The following EYS variants were observed in gnomAD, a reference collection of about 807,000 sequenced individuals.
EYS encodes the protein protein eyes shut homolog.
In EYS, 250 loss-of-function variants were observed where a neutral mutation model predicts 282.1. That is an observed-to-expected ratio of 0.89 (90% confidence interval 0.80 to 0.98). EYS has a LOEUF of 0.98. Ranked by LOEUF, EYS falls within the 50% of genes least tolerant of loss-of-function variation. EYS has a pLI of 0.00. For missense variants in EYS, 4,016 were observed against 3,709.0 expected (o/e 1.08, Z -2.15); for synonymous variants, 1,355 against 1,282.9 (o/e 1.06, Z -1.20).
intron 31 of EYS, among the ~76,000 whole-genome samples, chr6:64,196,137 G>A (rs1204923595): frequency 6.6e-6 from 1 of 152,212 alleles, no homozygotes; most frequent in East Asian, 1.9e-4. Flanking sequence ...AAAGACACAT[G>A]AAAAAATGCT....
intron 40 of EYS, among the ~76,000 whole-genome samples, chr6:63,764,628 C>T (rs1265277596): frequency 6.6e-6 from 1 of 151,784 alleles, no homozygotes; most frequent in Non-Finnish European, 1.5e-5. Context: ...ATTTAATTCA[C>T]TTACACTTTA....
At chr6:64,872,135 A>T (rs1477560465) in intron 19 of EYS, among the ~76,000 whole-genome samples, 1 of 151,988 alleles carries the variant, frequency 6.6e-6, no homozygotes, top group African/African-American at 2.4e-5. Context: ...ACAGTTGACA[A>T]CTCATATGAA....
intron 30 of EYS, among the ~76,000 whole-genome samples, chr6:64,235,673 C>T (rs1411366575): frequency 6.6e-6 from 1 of 151,844 alleles, no homozygotes; most frequent in Non-Finnish European, 1.5e-5. Flanking sequence ...ACACTGACTT[C>T]CACAATGGTT....
chr6:64,117,154 G>C (rs1027905588), intron 31 of EYS, among the ~76,000 whole-genome samples: 2 of 151,976 alleles, frequency 1.3e-5, no homozygotes, highest in African/African-American at 4.8e-5. Context: ...CTCCAGCATA[G>C]ATTGTATTTT....
chr6:65,290,786 C>T (rs76413083), intron 12 of EYS, among the ~76,000 whole-genome samples: 1 of 151,270 alleles, frequency 6.6e-6, no homozygotes, highest in South Asian at 2.1e-4. Flanking sequence ...GTTTATTAAA[C>T]AGCTGTTGTG....
chr6:64,430,455 CA>C (rs879921681), intron 28 of EYS, among the ~76,000 whole-genome samples: 1 of 152,038 alleles, frequency 6.6e-6, no homozygotes, highest in Non-Finnish European at 1.5e-5. Context: ...AATTATTTAA[CA>C]GATAAATAGC....
intron 13 of EYS, among the ~76,000 whole-genome samples, chr6:65,025,487 T>C (rs1426165237): frequency 1.3e-5 from 2 of 152,210 alleles, no homozygotes; most frequent in Admixed American, 1.3e-4. Context: ...ATTTAGAGAA[T>C]ATATGTTATT....
intron 35 of EYS, among the ~76,000 whole-genome samples, chr6:63,872,110 G>C (rs1772821871): frequency 6.6e-6 from 1 of 152,166 alleles, no homozygotes; most frequent in Non-Finnish European, 1.5e-5. Context: ...GCCCCAGTGG[G>C]CAGGAATTCT....
chr6:65,332,247 T>C, intron 11 of EYS: 1 of 629,568 alleles, frequency 1.6e-6, no homozygotes, highest in Non-Finnish European at 2.9e-6. Context: ...CCATCTACAT[T>C]ATCATGCATT....
intron 12 of EYS, among the ~76,000 whole-genome samples, chr6:65,169,204 T>A (rs77182308): frequency 0.027 from 4,042 of 151,562 alleles, 138 homozygotes; most frequent in African/African-American, 0.08. Context: ...TATTCTATTA[T>A]TTTTAACTAG....
In EYS at chr6:64,591,332, G is replaced by A. The variant is rs1190011985; in HGVS notation, c.4535C>T (p.Ala1512Val). ...GGCTTTTGTACTGAACCGGTGCAGA[G>A]CTGATGAGTTTAAGATGGTTACCTG... ...SKQVTILNSS[A>V]LHRFSTKAFN... Residue 1512 changes from alanine (A) to valine (V), a missense_variant, in exon 26 of 43, where the codon GCT becomes GTT. Physicochemically the swap from Ala to Val is moderately conservative, Grantham distance 64 (BLOSUM62 0). Transcript: ENST00000503581. The A allele has an allele frequency of 6.4e-7, 1 of 1,551,358 alleles. No homozygotes were observed. The highest frequency in any genetic ancestry group is 1.4e-5 in the African/African-American group (1 of 73,124).
chr6:65,173,032 A>C (rs1404713478), intron 12 of EYS, among the ~76,000 whole-genome samples: 1 of 151,224 alleles, frequency 6.6e-6, no homozygotes, highest in Non-Finnish European at 1.5e-5. Context: ...ATTTTAATTG[A>C]AATTCTCTAC....
chr6:64,179,637 C>A (rs1476793573), intron 31 of EYS, among the ~76,000 whole-genome samples: 2 of 152,000 alleles, frequency 1.3e-5, no homozygotes, highest in Non-Finnish European at 2.9e-5. Context: ...ATAAAATATC[C>A]TTGGTGCCAA....
intron 19 of EYS, among the ~76,000 whole-genome samples, chr6:64,833,867 C>T (rs1251592425): frequency 6.6e-6 from 1 of 151,822 alleles, no homozygotes; most frequent in African/African-American, 2.4e-5. Context: ...AATCCTGGGG[C>T]TTTGAACAAA....
intron 26 of EYS, among the ~76,000 whole-genome samples, chr6:64,447,618 A>G (rs367587712): frequency 9.9e-5 from 15 of 152,210 alleles, no homozygotes; most frequent in African/African-American, 3.6e-4. Context: ...GCAAGTATTA[A>G]TCATAAAATG....
Position 64,691,311 on chromosome 6 carries a change from G to A in EYS, c.3444-65066C>T, listed in dbSNP as rs76235157. On this transcript the variant is annotated intron_variant, in intron 22 of 42. Coordinates refer to ENST00000503581, the MANE Select transcript of EYS (RefSeq NM_001142800.2). ...AGTCTTAGTCAGTATAAACCACAAA[G>A]TTTGGATAAAAAGAAATAGAAATGC... Among the ~76,000 whole-genome samples the A allele has an allele frequency of 6.9e-3, 1,057 of 152,118 alleles. 4 individuals carry two copies. Among genetic ancestry groups the A allele is most frequent in the Non-Finnish European group, 9.3e-3 (629 of 67,984 alleles).
At chr6:64,263,996 A>G (rs1410901522) in intron 30 of EYS, among the ~76,000 whole-genome samples, 1 of 152,160 alleles carries the variant, frequency 6.6e-6, no homozygotes, top group African/African-American at 2.4e-5. Flanking sequence ...TTTTATCCTT[A>G]TATTCCACAC....
chr6:65,100,742 A>G (rs773849992), intron 12 of EYS, among the ~76,000 whole-genome samples: 8 of 150,498 alleles, frequency 5.3e-5, no homozygotes, highest in Non-Finnish European at 9.0e-5. Context: ...CGTTTGTTTT[A>G]CCAAATCAAA....
chr6:63,990,831 G>C (rs749992003), intron 34 of EYS, among the ~76,000 whole-genome samples: 2 of 151,644 alleles, frequency 1.3e-5, no homozygotes, highest in Non-Finnish European at 3.0e-5. Flanking sequence ...GTTTTGGGAG[G>C]CTTACTTCTG....
Sources: allele counts gnomAD v4.1 joint callset (sites outside exome capture counted in the v4.1 genomes callset), GRCh38; gene constraint gnomAD v4.1.1; transcripts MANE v1.5; gene names NCBI Gene and HGNC (gene_info 2026-07-23, HGNC 2026-07-21).